The following CUX1 variants were observed in gnomAD, a reference collection of about 807,000 sequenced individuals.
The protein encoded by CUX1 is protein CASP.
Under a neutral mutation model 158.8 loss-of-function variants are expected in CUX1, and 31 were observed. The ratio of observed to expected loss-of-function variants is 0.20; its 90% CI spans 0.15 to 0.26. The LOEUF (loss-of-function observed/expected upper bound fraction) is 0.26. Ranked by LOEUF, CUX1 falls within the 10% of genes least tolerant of loss-of-function variation. The pLI is 1.00. For missense variants in CUX1, 1,589 were observed against 2,014.6 expected (o/e 0.79, Z 4.04); for synonymous variants, 879 against 862.1 (o/e 1.02, Z -0.34).
intron 8 of CUX1, among the ~76,000 whole-genome samples, chr7:102,124,132 A>T (rs946396938): frequency 1.3e-5 from 2 of 152,186 alleles, no homozygotes; most frequent in Non-Finnish European, 2.9e-5. Context: ...TGCAGTGTAT[A>T]TGTGAAGGAA....
At chr7:101,876,609 C>T (rs4729757) in intron 1 of CUX1, among the ~76,000 whole-genome samples, 27,259 of 151,698 alleles carry the variant, frequency 0.18, 4,138 homozygotes, top group East Asian at 0.8. Flanking sequence ...GCAGGGGAAT[C>T]GTTTGAACCT....
Position 102,200,054 on chromosome 7 carries a change from G to T in CUX1, c.1961-17G>T. On this transcript the variant is annotated splice_polypyrimidine_tract_variant and intron_variant, in intron 16 of 23. Coordinates refer to ENST00000292535, the MANE Select transcript of CUX1 (RefSeq NM_181552.4). ...GGGGTTTGGGTTTGATGTCATTGGC[G>T]CAACTTCTCCCCACAGGTAACATCA... 5 of 1,593,130 alleles carry T rather than the reference G, an allele frequency of 3.1e-6. No homozygotes were observed. The highest frequency in any genetic ancestry group is 4.3e-6 in the Non-Finnish European group (5 of 1,171,300).
chr7:102,208,604 G>T (rs1796182967), intron 20 of CUX1, among the ~76,000 whole-genome samples: 1 of 152,152 alleles, frequency 6.6e-6, no homozygotes, highest in Non-Finnish European at 1.5e-5. Flanking sequence ...AAATCCTTGG[G>T]ATTAGTGACA....
chr7:102,224,150 G>A (rs547665228), intron 20 of CUX1, among the ~76,000 whole-genome samples: 21 of 152,310 alleles, frequency 1.4e-4, no homozygotes, highest in African/African-American at 3.4e-4. Flanking sequence ...GTCTGTTGGC[G>A]AGTAAACTAT....
rs577600798 is a variant in CUX1 at position 102,202,960 on chromosome 7, G to A, written c.2907+756G>A. ...AATCTAAAATAAACATCATGTCCTAGTATCATTTTATTTATTTATTTTTTG... is the reference window on the plus strand; with the variant it reads ...AATCTAAAATAAACATCATGTCCTAATATCATTTTATTTATTTATTTTTTG... On this transcript the variant is annotated intron_variant, in intron 18 of 23. Transcript: ENST00000292535. Among the ~76,000 whole-genome samples the A allele has an allele frequency of 6.6e-5, 10 of 152,222 alleles. No homozygotes were observed. In the East Asian group the frequency reaches 1.7e-3, roughly 26 times the overall value.
At chr7:102,227,808 T>C (rs1798499462) in intron 21 of CUX1, 139 bp downstream of exon 21, 2 of 863,260 alleles carry the variant, frequency 2.3e-6, no homozygotes, top group East Asian at 2.6e-5. Context: ...AAACATCCTA[T>C]AGTTGTGAAC....
chr7:102,231,712 C>T (rs1461395761), intron 21 of CUX1, among the ~76,000 whole-genome samples: 2 of 149,474 alleles, frequency 1.3e-5, no homozygotes, highest in Admixed American at 1.3e-4. Context: ...GTAAAATTTT[C>T]TCTTTTTTTT....
intron 8 of CUX1, among the ~76,000 whole-genome samples, chr7:102,152,805 G>C (rs115433559): frequency 6.6e-6 from 1 of 152,158 alleles, no homozygotes; most frequent in Non-Finnish European, 1.5e-5. Flanking sequence ...CAGCCCCTCC[G>C]AGCCTGGCTG....
intron 5 of CUX1, among the ~76,000 whole-genome samples, chr7:102,103,748 C>CTT (rs35709807): frequency 6.9e-6 from 1 of 145,338 alleles, no homozygotes; most frequent in Non-Finnish European, 1.5e-5. Context: ...AGACTTTCAT[C>CTT]TTTTTTTTTT....
intron 2 of CUX1, among the ~76,000 whole-genome samples, chr7:101,982,849 C>T (rs1236556850): frequency 6.6e-6 from 1 of 151,398 alleles, no homozygotes; most frequent in Non-Finnish European, 1.5e-5. Context: ...TTAGGTATAT[C>T]TCCTAATGCT....
chr7:101,927,923 C>T (rs1252542445), intron 2 of CUX1, among the ~76,000 whole-genome samples: 3 of 152,206 alleles, frequency 2.0e-5, no homozygotes, highest in Non-Finnish European at 2.9e-5. Flanking sequence ...GCTTTCCTTC[C>T]GGGAGCATCT....
At chr7:102,138,674 A>G (rs1834144502) in intron 8 of CUX1, among the ~76,000 whole-genome samples, 2 of 152,200 alleles carry the variant, frequency 1.3e-5, no homozygotes, top group African/African-American at 2.4e-5. Flanking sequence ...GATCTTTTAT[A>G]AGATACTCTG....
At chr7:101,866,793 GTTGAGT>G (rs1797964592) in intron 1 of CUX1, among the ~76,000 whole-genome samples, 2 of 152,192 alleles carry the variant, frequency 1.3e-5, no homozygotes, top group Non-Finnish European at 1.5e-5. Context: ...GGCACAAAAC[GTTGAGT>G]TAAAGGTGGT....
chr7:102,115,136 G>A (rs1831306545), intron 7 of CUX1, 71 bp from the exon 8 acceptor site: 2 of 1,315,230 alleles, frequency 1.5e-6, no homozygotes, highest in South Asian at 2.6e-5. Context: ...CTTTTGAAAT[G>A]GGAATAGATT....
chr7:102,264,250 C>T (rs1468382230), intron 14 of CUX1, among the ~76,000 whole-genome samples: 1 of 152,098 alleles, frequency 6.6e-6, no homozygotes, highest in Non-Finnish European at 1.5e-5. Flanking sequence ...AGGTGATCCA[C>T]CCGCCTCGGC....
intron 15 of CUX1, among the ~76,000 whole-genome samples, chr7:102,273,806 G>GCT (rs1554546938): frequency 5.2e-4 from 79 of 152,352 alleles, no homozygotes; most frequent in African/African-American, 1.8e-3. Flanking sequence ...CCCAGCTAAA[G>GCT]GACCTGGAGC....
At chr7:101,927,611 C>T (rs1384530831) in intron 2 of CUX1, among the ~76,000 whole-genome samples, 1 of 152,194 alleles carries the variant, frequency 6.6e-6, no homozygotes, top group Non-Finnish European at 1.5e-5. Flanking sequence ...GATTGCGTCA[C>T]TGCACCCCAG....
intron 3 of CUX1, among the ~76,000 whole-genome samples, chr7:102,035,084 A>T (rs1294423434): frequency 6.6e-6 from 1 of 152,148 alleles, no homozygotes; most frequent in Admixed American, 6.6e-5. Context: ...AAAAAAAAAA[A>T]AAAAAAAATT....
intron 19 of CUX1, 126 bp from the exon 20 acceptor site, chr7:102,204,988 G>A (rs1190922494): frequency 1.5e-6 from 1 of 682,552 alleles, no homozygotes; most frequent in African/African-American, 1.8e-5. Flanking sequence ...CCCGGCCCGT[G>A]GGTCCCCATG....
Sources: allele counts gnomAD v4.1 joint callset (sites outside exome capture counted in the v4.1 genomes callset), GRCh38; gene constraint gnomAD v4.1.1; transcripts MANE v1.5; gene names NCBI Gene and HGNC (gene_info 2026-07-23, HGNC 2026-07-21).